BSPH1: variants seen among roughly 807,000 people sequenced by gnomAD.
The protein encoded by BSPH1 is binder of sperm 1.
A neutral mutation model predicts 22.5 loss-of-function variants in BSPH1; 21 were observed. The observed-to-expected ratio is 0.93, with a 90% CI of 0.66 to 1.35. The LOEUF is 1.35. BSPH1 is among the 40% of genes most tolerant of loss of function. The pLI, the probability that BSPH1 is intolerant of heterozygous loss-of-function variation, is 0.00. For synonymous variants in BSPH1, 42 were observed against 53.6 expected, an observed-to-expected ratio of 0.78 and a Z score of 0.95; for missense variants, 141 against 154.2, an observed-to-expected ratio of 0.91 and a Z score of 0.45.
chr19:47,988,618 T>C (rs1041350519), intron 1 of BSPH1, among the ~76,000 whole-genome samples: 5 of 152,042 alleles, frequency 3.3e-5, no homozygotes, highest in Non-Finnish European at 7.4e-5. Flanking sequence ...GCTCTTGCAA[T>C]GCAAGATTCA....
chr19:47,987,883 C>T (rs1483461894), intron 1 of BSPH1, among the ~76,000 whole-genome samples: 1 of 152,022 alleles, frequency 6.6e-6, no homozygotes, highest in Non-Finnish European at 1.5e-5. Context: ...GGTTCCCGTA[C>T]TGGGAGGCTG....
At chr19:47,981,525 T>G (rs1969419792) in intron 1 of BSPH1, among the ~76,000 whole-genome samples, 1 of 152,230 alleles carries the variant, frequency 6.6e-6, no homozygotes, top group African/African-American at 2.4e-5. Context: ...AGAGATAAAG[T>G]TCAGAAATGT....
chr19:47,986,342 G>A (rs896237930), intron 1 of BSPH1, among the ~76,000 whole-genome samples: 2 of 152,188 alleles, frequency 1.3e-5, no homozygotes, highest in Non-Finnish European at 2.9e-5. Flanking sequence ...AACAATGAAT[G>A]GGGAGGAGTT....
At chr19:47,991,865 T>A in intron 1 of BSPH1, 144 bp downstream of exon 1, 1 of 333,720 alleles carries the variant, frequency 3.0e-6, no homozygotes, top group Admixed American at 3.6e-5. Context: ...TCCCTGCCTC[T>A]TCTCCTTCCT....
At chr19:47,977,313 A>G in intron 4 of BSPH1, 60 bp downstream of exon 4, 2 of 1,357,596 alleles carry the variant, frequency 1.5e-6, no homozygotes, top group Non-Finnish European at 2.0e-6. Flanking sequence ...GTTTTGCCTC[A>G]GATCCCAGCC....
At chr19:47,972,989 G>T (rs185266169) in intron 5 of BSPH1, among the ~76,000 whole-genome samples, 40 of 151,612 alleles carry the variant, frequency 2.6e-4, no homozygotes, top group Admixed American at 1.2e-3. Context: ...AGGCCGAGGC[G>T]GGTGGATCAC....
At position 47,980,903 on chromosome 19, in the gene BSPH1, GT is replaced by G. The variant is rs552094223; in HGVS notation, c.94+17del. The G allele has an allele frequency of 2.8e-6, 4 of 1,435,042 alleles. No individual in the cohort carries two copies. In the South Asian group the frequency reaches 5.5e-5, roughly 20 times the overall value. 88.9% of individuals were successfully genotyped at this position (1,435,042 alleles called of 1,614,324 possible). A position where few individuals can be genotyped will look rare whatever the true frequency, so the allele number is the denominator to read the frequency against. ...AATTTGAAAAGAAACGCTAATAAAA[GT>G]TTTTTGATCAACTCACCCACAGTTG... is the stretch of plus-strand genomic sequence containing the variant. On this transcript the variant is annotated intron_variant, in intron 2 of 5. Coordinates refer to ENST00000344839, the MANE Select transcript of BSPH1 (RefSeq NM_001128326.2).
chr19:47,991,646 TC>T (rs1568400472), intron 1 of BSPH1, among the ~76,000 whole-genome samples: 1 of 36,930 alleles, frequency 2.7e-5, no homozygotes, highest in Non-Finnish European at 5.3e-5. Context: ...CTCCTTCCCC[TC>T]CTCCTCCGTC....
chr19:47,990,161 G>A (rs1969510381), intron 1 of BSPH1, among the ~76,000 whole-genome samples: 2 of 150,576 alleles, frequency 1.3e-5, no homozygotes, highest in South Asian at 4.2e-4. Context: ...AGTCCAGGAG[G>A]CAGATGCTTG....
intron 5 of BSPH1, among the ~76,000 whole-genome samples, chr19:47,972,276 TA>T (rs1969317305): frequency 1.7e-5 from 2 of 120,178 alleles, no homozygotes; most frequent in African/African-American, 5.4e-5. Context: ...CTAACCTTGA[TA>T]TTCTTTTTTT....
chr19:47,976,939 A>G (rs1969370846), intron 4 of BSPH1, 85 bp from the exon 5 acceptor site: 1 of 1,257,912 alleles, frequency 7.9e-7, no homozygotes, highest in African/African-American at 1.5e-5. Flanking sequence ...ACACATGCAC[A>G]CATATGCACA....
At chr19:47,977,064 C>A (rs566431349) in intron 4 of BSPH1, among the ~76,000 whole-genome samples, 31 of 152,230 alleles carry the variant, frequency 2.0e-4, no homozygotes, top group Non-Finnish European at 4.1e-4. Flanking sequence ...CTTTTGCTTC[C>A]TATTCAGTAT....
intron 1 of BSPH1, among the ~76,000 whole-genome samples, chr19:47,991,224 A>C (rs1213801898): frequency 6.6e-6 from 1 of 152,004 alleles, no homozygotes; most frequent in Non-Finnish European, 1.5e-5. Context: ...CCACACCGCG[A>C]ATCAGGCAGA....
At chr19:47,982,814 G>A (rs1969431700) in intron 1 of BSPH1, among the ~76,000 whole-genome samples, 1 of 152,166 alleles carries the variant, frequency 6.6e-6, no homozygotes, top group African/African-American at 2.4e-5. Context: ...CCACATGGAT[G>A]CACTTTGAAA....
intron 1 of BSPH1, among the ~76,000 whole-genome samples, chr19:47,982,298 A>G (rs1969426822): frequency 6.6e-6 from 1 of 152,236 alleles, no homozygotes; most frequent in Non-Finnish European, 1.5e-5. Context: ...TGAAAGAGCA[A>G]TGACTTAATT....
At chr19:47,984,604 G>T (rs952442112) in intron 1 of BSPH1, among the ~76,000 whole-genome samples, 5 of 152,100 alleles carry the variant, frequency 3.3e-5, no homozygotes, top group Non-Finnish European at 7.4e-5. Context: ...TTAGCAACAT[G>T]GATGCAGCTG....
At chr19:47,982,236 ACT>A (rs1288620198) in intron 1 of BSPH1, among the ~76,000 whole-genome samples, 2 of 152,218 alleles carry the variant, frequency 1.3e-5, no homozygotes, top group Non-Finnish European at 2.9e-5. Flanking sequence ...AAGCATTATA[ACT>A]CGACATATTC....
intron 1 of BSPH1, among the ~76,000 whole-genome samples, chr19:47,987,447 G>A (rs1370156220): frequency 3.3e-5 from 5 of 149,582 alleles, no homozygotes; most frequent in Non-Finnish European, 7.4e-5. Context: ...GTACAGTGGC[G>A]CTGTCATAGC....
At chr19:47,980,108 T>C (rs1247701197) in intron 2 of BSPH1, among the ~76,000 whole-genome samples, 1 of 152,192 alleles carries the variant, frequency 6.6e-6, no homozygotes, top group Non-Finnish European at 1.5e-5. Flanking sequence ...GAACCTAAAA[T>C]AGTGTTAATG....
Sources: gnomAD v4.1 joint callset for allele counts (sites outside exome capture counted in the v4.1 genomes callset) on GRCh38, gnomAD v4.1.1 for gene constraint, MANE v1.5 for transcripts, NCBI Gene and HGNC (gene_info 2026-07-23, HGNC 2026-07-21) for gene names.